The following UAP1 variants were observed in gnomAD, a reference collection of about 807,000 sequenced individuals.
UAP1 encodes the protein UDP-N-acetylhexosamine pyrophosphorylase.
UAP1 carries 25 observed loss-of-function variants against 58.5 expected under a neutral mutation model. The ratio of observed to expected loss-of-function variants is 0.43; its 90% CI spans 0.31 to 0.60. The LOEUF is 0.60. Among genes scored for constraint, UAP1 ranks in the 20% least tolerant of loss-of-function variants. UAP1 has a pLI of 0.11. For synonymous variants in UAP1, 208 were observed against 213.0 expected (o/e 0.98, Z 0.21); for missense variants, 575 against 630.0 (o/e 0.91, Z 0.93).
At position 162,587,637 on chromosome 1, in the gene UAP1, T is replaced by C; in HGVS notation, c.997T>C (p.Phe333Leu). The stretch of plus-strand genomic sequence containing the variant: ...TGCGGGGAACATTGCCAACCATTTC[T>C]TCACTGTACCATTTCTGAGAGATGT... Residue 333 changes from phenylalanine to leucine, a missense_variant, in exon 6 of 11, where the codon TTC becomes CTC. Transcript: ENST00000271469. The C allele has an allele frequency of 6.2e-7, 1 of 1,613,984 alleles. No individual in the cohort carries two copies. Among genetic ancestry groups the C allele is most frequent in the African/African-American group, 1.3e-5 (1 of 75,042 alleles).
intron 5 of UAP1, 63 bp from the exon 6 acceptor site, chr1:162,587,411 TG>T: frequency 6.9e-7 from 1 of 1,454,958 alleles, no homozygotes; most frequent in Non-Finnish European, 9.3e-7. Flanking sequence ...TCTTTGACAA[TG>T]GCAAATCTCC....
At chr1:162,569,687 C>A (rs1195529655) in intron 2 of UAP1, among the ~76,000 whole-genome samples, 4 of 152,204 alleles carry the variant, frequency 2.6e-5, no homozygotes, top group Middle Eastern at 3.4e-3. Flanking sequence ...TCAGTCTTAG[C>A]TTTTTTTGCC....
exon 11 of UAP1, chr1:162,599,277 G>C (rs1407791461): frequency 1.9e-6 from 3 of 1,609,636 alleles, no homozygotes; most frequent in Non-Finnish European, 2.5e-6. Context: ...TTAGGGATTA[G>C]AAAGTTATGT....
chr1:162,566,842 G>A (rs1006201140), intron 2 of UAP1, among the ~76,000 whole-genome samples: 1 of 152,126 alleles, frequency 6.6e-6, no homozygotes, highest in Non-Finnish European at 1.5e-5. Flanking sequence ...GGCCAGCATG[G>A]TCTTGAACTC....
chr1:162,580,899 T>C (rs1654545276), intron 4 of UAP1, among the ~76,000 whole-genome samples: 1 of 152,184 alleles, frequency 6.6e-6, no homozygotes, highest in Non-Finnish European at 1.5e-5. Flanking sequence ...ATTGTCAGCA[T>C]TGGGGTTATA....
chr1:162,572,965 A>G lies in UAP1; in HGVS notation c.281-3812A>G, dbSNP rs76146662. On this transcript the variant is annotated intron_variant, in intron 2 of 10. Coordinates refer to ENST00000271469, the Ensembl canonical transcript of UAP1. ...GGTTTAGGTAAGAGATTGTGGACTC[A>G]TATTTTAAAACAATGCTTTGTAGGT... is the stretch of plus-strand genomic sequence containing the variant. 2.0e-3 allele frequency among the ~76,000 whole-genome samples: 305 copies of G among 152,352 alleles called. 6 individuals are homozygous for G. The East Asian group carries it at 0.049, about 25-fold the overall frequency.
chr1:162,592,983 GGA>G, intron 9 of UAP1: 1 of 570,464 alleles, frequency 1.8e-6, no homozygotes, highest in Non-Finnish European at 3.2e-6. Context: ...TGCTGGAAAT[GGA>G]GAGCATGCTT....
rs1653719011 is a variant in UAP1 at position 162,569,398 on chromosome 1, A to G, written c.280+3050A>G. On this transcript the variant is annotated intron_variant, in intron 2 of 10. Transcript: ENST00000271469. The stretch of plus-strand genomic sequence containing the variant: ...TATTTCTGAAGGTCGAATATAAGTG[A>G]CCACTGTACTCCTTGTTGAAGAGAG... Among the ~76,000 whole-genome samples, 5 of 152,316 alleles carry G rather than the reference A, an allele frequency of 3.3e-5. No homozygotes were observed. In the South Asian group the frequency reaches 8.3e-4, roughly 25 times the overall value.
intron 9 of UAP1, among the ~76,000 whole-genome samples, chr1:162,596,443 G>A (rs570163614): frequency 6.6e-6 from 1 of 152,308 alleles, no homozygotes; most frequent in South Asian, 2.1e-4. Context: ...CCAAAGTGCT[G>A]GGATTACAGG....
At position 162,584,467 on chromosome 1, in the gene UAP1, A is replaced by G. The variant is rs554650652; in HGVS notation, c.834+3008A>G. On this transcript the variant is annotated intron_variant, in intron 5 of 10. Coordinates refer to ENST00000271469, the Ensembl canonical transcript of UAP1. ...ATACTGTGGTAGTAGAATTATTTGC[A>G]GTACTTTATTTTTATTGTATTTATT... Among the ~76,000 whole-genome samples, 238 of 152,274 alleles carry G rather than the reference A, an allele frequency of 1.6e-3. 1 individual carries two copies. Among genetic ancestry groups the G allele is most frequent in the Middle Eastern group, 6.8e-3 (2 of 294 alleles).
chr1:162,580,194 A>T (rs567173729), intron 4 of UAP1, among the ~76,000 whole-genome samples: 1 of 152,318 alleles, frequency 6.6e-6, no homozygotes, highest in South Asian at 2.1e-4. Context: ...TGTATACTGC[A>T]ATGTTCATGG....
chr1:162,571,262 G>C (rs1653846984), intron 2 of UAP1, among the ~76,000 whole-genome samples: 2 of 151,944 alleles, frequency 1.3e-5, no homozygotes, highest in Non-Finnish European at 1.5e-5. Context: ...CCCAGTAGCT[G>C]AGATTATAGG....
At position 162,588,661 on chromosome 1, in the gene UAP1, G is replaced by A. The variant is rs750608566; in HGVS notation, c.1029-32G>A. The stretch of plus-strand genomic sequence containing the variant: ...TTTTCTGGCATTTTAAATCTGGAAC[G>A]TGATTATATCTTTTCTCCTCCTGCT... On this transcript the variant is annotated intron_variant, in intron 6 of 10. Coordinates refer to ENST00000271469, the Ensembl canonical transcript of UAP1. The A allele has an allele frequency of 5.7e-6, 9 of 1,579,470 alleles. No homozygotes were observed. In the South Asian group the frequency reaches 5.9e-5, roughly 10 times the overall value.
chr1:162,589,073 T>C (rs1245200245), intron 7 of UAP1, among the ~76,000 whole-genome samples: 2 of 131,964 alleles, frequency 1.5e-5, no homozygotes, highest in Non-Finnish European at 3.1e-5. Context: ...CTGGCTCCTA[T>C]AAAGTTTTTT....
rs1175337046 is a variant in UAP1 at position 162,589,142 on chromosome 1, T to A, written c.1169+309T>A. Among the ~76,000 whole-genome samples the A allele has an allele frequency of 8.1e-3, 833 of 102,248 alleles. 7 individuals are homozygous for A. The highest frequency in any genetic ancestry group is 0.033 in the African/African-American group (804 of 24,290). The allele number at this position is 102,248 out of a possible 152,430, so 67.1% of individuals were successfully genotyped here. A position where few individuals can be genotyped will look rare whatever the true frequency, so the allele number is the denominator to read the frequency against. On this transcript the variant is annotated intron_variant, in intron 7 of 10. Coordinates refer to ENST00000271469, the Ensembl canonical transcript of UAP1. ...TATTTTATATATATAATTTATATAT[T>A]TATATAATATATATTATATATAATA...
chr1:162,593,054 G>A lies in UAP1; in HGVS notation c.1409+272G>A, dbSNP rs61811802. 1.4e-3 allele frequency: 687 copies of A among 505,660 alleles called. 3 individuals are homozygous for A. The highest frequency in any genetic ancestry group is 1.9e-3 in the Non-Finnish European group (535 of 282,294). 31.3% of individuals were successfully genotyped at this position (505,660 alleles called of 1,614,324 possible). A position where few individuals can be genotyped will look rare whatever the true frequency, so the allele number is the denominator to read the frequency against. ...GAACTGACAGATTTTCAGATGATAG[G>A]TAAGATCCAGAGCAGGTTACAGGTC... On this transcript the variant is annotated intron_variant, in intron 9 of 10. Coordinates refer to ENST00000271469, the Ensembl canonical transcript of UAP1.
chr1:162,561,556 C>G (rs997281236), exon 1 of UAP1: 1 of 151,956 alleles, frequency 6.6e-6, no homozygotes, highest in Non-Finnish European at 1.5e-5. Context: ...GCTGACGTGT[C>G]TGGGCGGTCG....
Position 162,566,367 on chromosome 1 carries a change from T to G in UAP1, c.280+19T>G, listed in dbSNP as rs368917452. On this transcript the variant is annotated intron_variant, in intron 2 of 10. Coordinates refer to ENST00000271469, the Ensembl canonical transcript of UAP1. ...AGTGAAGGTACTGGGCATGTACATA[T>G]TTCTTACTGAAGTTTATTTGAGATA... 2.6e-5 allele frequency: 41 copies of G among 1,589,870 alleles called. No homozygotes were observed. In the African/African-American group the frequency reaches 5.4e-4, roughly 21 times the overall value.
Position 162,566,608 on chromosome 1 carries a change from T to C in UAP1, c.280+260T>C, listed in dbSNP as rs1653523951. ...TTCTTTTCCTGAAGCACAAGTTAAA[T>C]ACTTAAGTTTAAGCTGGCTTAATTT... On this transcript the variant is annotated intron_variant, in intron 2 of 10. Transcript: ENST00000271469. Among the ~76,000 whole-genome samples the C allele has an allele frequency of 2.0e-5, 3 of 152,190 alleles. No homozygotes were observed. The South Asian group carries it at 6.2e-4, about 32-fold the overall frequency.
Sources: gnomAD v4.1 joint callset for allele counts (sites outside exome capture counted in the v4.1 genomes callset) on GRCh38, gnomAD v4.1.1 for gene constraint, MANE v1.5 for transcripts, NCBI Gene and HGNC (gene_info 2026-07-23, HGNC 2026-07-21) for gene names.